VCL: variants seen among roughly 807,000 people sequenced by gnomAD.
VCL encodes the protein epididymis luminal protein 114.
VCL carries 47 observed loss-of-function variants against 125.7 expected under a neutral mutation model. The ratio of observed to expected loss-of-function variants is 0.37; its 90% CI spans 0.30 to 0.48. The LOEUF (loss-of-function observed/expected upper bound fraction) is 0.48. Ranked by LOEUF, VCL falls within the 20% of genes least tolerant of loss-of-function variation. The pLI is 0.99. For missense variants in VCL, 1,069 were observed against 1,455.5 expected, an observed-to-expected ratio of 0.73 and a Z score of 4.32; for synonymous variants, 458 against 514.6, an observed-to-expected ratio of 0.89 and a Z score of 1.49.
At chr10:74,055,608 A>C (rs1841377156) in intron 2 of VCL, among the ~76,000 whole-genome samples, 1 of 152,068 alleles carries the variant, frequency 6.6e-6, no homozygotes, top group African/African-American at 2.4e-5. Flanking sequence ...CAATCCTCCC[A>C]GAATACTGGG....
chr10:74,032,021 G>A (rs571261365), intron 1 of VCL, among the ~76,000 whole-genome samples: 14 of 124,462 alleles, frequency 1.1e-4, no homozygotes, highest in South Asian at 5.5e-4. Context: ...CCAAGATCAC[G>A]CCATTGCACT....
intron 8 of VCL, among the ~76,000 whole-genome samples, chr10:74,085,746 G>A (rs1201043573): frequency 1.3e-5 from 2 of 151,948 alleles, no homozygotes; most frequent in Non-Finnish European, 2.9e-5. Context: ...GGATACACAG[G>A]GTCTACATAC....
intron 1 of VCL, among the ~76,000 whole-genome samples, chr10:74,024,625 A>G (rs1840738268): frequency 6.8e-6 from 1 of 148,030 alleles, no homozygotes; most frequent in Admixed American, 6.8e-5. Context: ...AAAAAAAAAA[A>G]GACTTTTGCC....
At chr10:74,021,009 T>A (rs1840654351) in intron 1 of VCL, among the ~76,000 whole-genome samples, 1 of 152,164 alleles carries the variant, frequency 6.6e-6, no homozygotes, top group Admixed American at 6.5e-5. Flanking sequence ...GTTTGTGCTT[T>A]TACCCTAACA....
At chr10:74,069,520 C>T (rs115693331) in intron 2 of VCL, among the ~76,000 whole-genome samples, 83 of 152,248 alleles carry the variant, frequency 5.5e-4, no homozygotes, top group African/African-American at 1.9e-3. Context: ...TGTAATACTG[C>T]TTTAAACTTG....
At chr10:74,037,100 C>T (rs1451315819) in intron 1 of VCL, among the ~76,000 whole-genome samples, 1 of 151,960 alleles carries the variant, frequency 6.6e-6, no homozygotes, top group Non-Finnish European at 1.5e-5. Context: ...TTAGTCGAGA[C>T]GGGGTTTCAC....
chr10:74,113,711 G>C (rs183208185), intron 19 of VCL, among the ~76,000 whole-genome samples: 1 of 152,120 alleles, frequency 6.6e-6, no homozygotes, highest in Admixed American at 6.5e-5. Context: ...ATCTGGAAAG[G>C]CTCCTCTGTA....
At chr10:74,069,831 T>A (rs998360059) in intron 2 of VCL, among the ~76,000 whole-genome samples, 5 of 152,184 alleles carry the variant, frequency 3.3e-5, no homozygotes, top group Non-Finnish European at 7.3e-5. Flanking sequence ...ACTTGGTGTA[T>A]GCATTTTGGG....
chr10:74,053,463 C>T (rs1317274444), intron 2 of VCL, among the ~76,000 whole-genome samples: 1 of 151,870 alleles, frequency 6.6e-6, no homozygotes, highest in Admixed American at 6.6e-5. Flanking sequence ...TTTCTTATCG[C>T]TCTTATTAGA....
chr10:74,015,122 G>C (rs1840513439), intron 1 of VCL, among the ~76,000 whole-genome samples: 1 of 152,194 alleles, frequency 6.6e-6, no homozygotes, highest in Non-Finnish European at 1.5e-5. Context: ...AGTGAGATTA[G>C]GAGACCTTAA....
At chr10:74,053,191 TGTATCTGGTG>T (rs1279689914) in intron 2 of VCL, among the ~76,000 whole-genome samples, 2 of 152,116 alleles carry the variant, frequency 1.3e-5, no homozygotes, top group African/African-American at 2.4e-5. Context: ...TAAAACTCCC[TGTATCTGGTG>T]GTGTCTTTGG....
chr10:74,083,239 G>A (rs953513688), intron 7 of VCL, 127 bp from the exon 8 acceptor site: 2 of 1,266,998 alleles, frequency 1.6e-6, no homozygotes, highest in Admixed American at 1.9e-5. Context: ...TATCAGATAT[G>A]TTGCCTTCTA....
intron 12 of VCL, among the ~76,000 whole-genome samples, chr10:74,096,153 T>TTC (rs1839965588): frequency 8.4e-5 from 5 of 59,506 alleles, no homozygotes; most frequent in East Asian, 2.8e-4. Context: ...AAATGGACTT[T>TTC]TTTTTTTTTT....
chr10:74,120,347 C>T (rs1190766090), downstream of VCL: 1 of 152,162 alleles, frequency 6.6e-6, no homozygotes, highest in Non-Finnish European at 1.5e-5. Context: ...GTGTGTAATA[C>T]AAGACAACCC....
chr10:74,093,321 G>A (rs1164606314), intron 10 of VCL, among the ~76,000 whole-genome samples: 7 of 152,032 alleles, frequency 4.6e-5, no homozygotes, highest in African/African-American at 1.7e-4. Context: ...AAAAAAAAGT[G>A]TGGCGACTCT....
chr10:74,015,431 G>A (rs1482426832), intron 1 of VCL, among the ~76,000 whole-genome samples: 1 of 152,132 alleles, frequency 6.6e-6, no homozygotes, highest in Admixed American at 6.5e-5. Flanking sequence ...GCTTGCGCCT[G>A]TAATCCCAGC....
At chr10:74,030,798 A>C (rs1043389406) in intron 1 of VCL, among the ~76,000 whole-genome samples, 6 of 152,198 alleles carry the variant, frequency 3.9e-5, no homozygotes, top group African/African-American at 1.4e-4. Context: ...TCATTTATGC[A>C]TAGTGTTCCA....
intron 2 of VCL, among the ~76,000 whole-genome samples, chr10:74,062,707 C>G (rs931953822): frequency 6.6e-6 from 1 of 152,060 alleles, no homozygotes; most frequent in African/African-American, 2.4e-5. Context: ...ACTTTAGCCT[C>G]CTGAGTAGCT....
At chr10:73,999,119 G>A (rs1227694180) in intron 1 of VCL, among the ~76,000 whole-genome samples, 2 of 152,094 alleles carry the variant, frequency 1.3e-5, no homozygotes, top group African/African-American at 4.8e-5. Context: ...ATTCCCTCCT[G>A]TGGACATTTT....
Sources: allele counts gnomAD v4.1 joint callset (sites outside exome capture counted in the v4.1 genomes callset), GRCh38; gene constraint gnomAD v4.1.1; transcripts MANE v1.5; gene names NCBI Gene and HGNC (gene_info 2026-07-23, HGNC 2026-07-21).